The following BPHL variants were observed in gnomAD, a reference collection of about 807,000 sequenced individuals.
BPHL encodes biphenyl hydrolase like, also known as serine hydrolase BPHL.
BPHL carries 27 observed loss-of-function variants against 31.2 expected under a neutral mutation model. That is an observed-to-expected ratio of 0.87 (90% CI 0.64 to 1.19). The LOEUF is 1.19. Among genes scored for constraint, BPHL ranks in the 50% most tolerant of loss-of-function variants. The pLI, the probability that BPHL is intolerant of heterozygous loss-of-function variation, is 0.00. For synonymous variants in BPHL, 150 were observed against 146.8 expected (o/e 1.02, Z -0.16); for missense variants, 356 against 375.7 (o/e 0.95, Z 0.43).
At chr6:3,141,621 C>T (rs1296714453) in intron 6 of BPHL, among the ~76,000 whole-genome samples, 2 of 152,228 alleles carry the variant, frequency 1.3e-5, no homozygotes, top group East Asian at 3.9e-4. Context: ...CTGCCTTGGC[C>T]TCCCAAAGTG....
At chr6:3,121,786 A>G (rs966713040) in intron 1 of BPHL, among the ~76,000 whole-genome samples, 9 of 152,186 alleles carry the variant, frequency 5.9e-5, no homozygotes, top group African/African-American at 2.2e-4. Flanking sequence ...CCTTATTACT[A>G]CCCAATTCTG....
intron 4 of BPHL, among the ~76,000 whole-genome samples, chr6:3,129,753 A>G (rs1367027176): frequency 1.3e-5 from 2 of 150,506 alleles, no homozygotes; most frequent in African/African-American, 4.9e-5. Context: ...GATTAAAAGA[A>G]TTTCTGTGCT....
chr6:3,132,390 T>C (rs755616865), intron 4 of BPHL, among the ~76,000 whole-genome samples: 5 of 152,194 alleles, frequency 3.3e-5, no homozygotes, highest in Non-Finnish European at 7.3e-5. Flanking sequence ...CTCCCCCATG[T>C]GGGCCACAGT....
intron 1 of BPHL, among the ~76,000 whole-genome samples, chr6:3,121,527 TCTCCTGACCTCGTG>T (rs1466886533): frequency 3.9e-5 from 6 of 151,980 alleles, no homozygotes; most frequent in African/African-American, 1.5e-4. Context: ...ATGGTCTTGA[TCTCCTGACCTCGTG>T]ATCCTGACCT....
chr6:3,136,368 C>T (rs1425732195), intron 4 of BPHL, among the ~76,000 whole-genome samples: 1 of 152,206 alleles, frequency 6.6e-6, no homozygotes, highest in Non-Finnish European at 1.5e-5. Flanking sequence ...CAGAGCAGTT[C>T]ATCCTCTTCA....
At chr6:3,144,435 G>A (rs1339697942) in intron 6 of BPHL, among the ~76,000 whole-genome samples, 1 of 146,628 alleles carries the variant, frequency 6.8e-6, no homozygotes, top group Non-Finnish European at 1.5e-5. Flanking sequence ...ATCCAGGCTG[G>A]AGTGCAGTGG....
intron 1 of BPHL, 130 bp downstream of exon 1, chr6:3,118,977 G>C (rs1421665633): frequency 1.3e-6 from 1 of 792,330 alleles, no homozygotes; most frequent in Non-Finnish European, 1.7e-6. Flanking sequence ...TGGCTGCCCT[G>C]TCGCCCTTTG....
At chr6:3,141,149 A>G (rs1430492887) in intron 6 of BPHL, among the ~76,000 whole-genome samples, 3 of 152,368 alleles carry the variant, frequency 2.0e-5, no homozygotes, top group South Asian at 2.1e-4. Context: ...TATAATTACT[A>G]TATCCATAAT....
intron 2 of BPHL, among the ~76,000 whole-genome samples, chr6:3,124,561 T>C (rs1481918375): frequency 6.7e-6 from 1 of 150,112 alleles, no homozygotes; most frequent in East Asian, 1.9e-4. Flanking sequence ...GCTACGCATG[T>C]TCTCCTGTAT....
chr6:3,134,438 CTTTTTTTTTTT>C (rs554446648), intron 4 of BPHL, among the ~76,000 whole-genome samples: 1 of 132,580 alleles, frequency 7.5e-6, no homozygotes, highest in South Asian at 2.3e-4. Context: ...CTTTTCTTTC[CTTTTTTTTTTT>C]TTTTTTTGAG....
rs540756383 is a variant in BPHL at position 3,142,840 on chromosome 6, G to C, written c.788+2331G>C. ...TGTGTTATGTGCCCTTAAAGAGCCA[G>C]GTTCAATTAAAGTCAGTCTACAAGA... is the stretch of plus-strand genomic sequence containing the variant. On this transcript the variant is annotated intron_variant, in intron 6 of 6. Coordinates refer to ENST00000380379, the MANE Select transcript of BPHL (RefSeq NM_004332.4). Among the ~76,000 whole-genome samples the C allele has an allele frequency of 2.0e-5, 3 of 152,270 alleles. No individual in the cohort carries two copies. In the South Asian group the frequency reaches 6.2e-4, roughly 32 times the overall value.
chr6:3,120,490 A>G (rs1761539423), intron 1 of BPHL, among the ~76,000 whole-genome samples: 1 of 152,162 alleles, frequency 6.6e-6, no homozygotes. Context: ...TTGATATGAC[A>G]TATAATCTGG....
chr6:3,152,956 C>A lies in BPHL; in HGVS notation c.*381C>A. 1 of 158,594 alleles carries A rather than the reference C, an allele frequency of 6.3e-6. No homozygotes were observed. The highest frequency in any genetic ancestry group is 1.4e-5 in the Non-Finnish European group (1 of 72,624). The allele number at this position is 158,594 out of a possible 1,614,324, so 9.8% of individuals were successfully genotyped here. A position where few individuals can be genotyped will look rare whatever the true frequency, so the allele number is the denominator to read the frequency against. ...CTGAGGTGGGAGGATCACTTGAGCC[C>A]AATTCAAAGCTGCAGTGAGCTGTAA... On this transcript the variant is annotated 3_prime_UTR_variant, in exon 7 of 7. Transcript: ENST00000380379.
At chr6:3,148,923 A>G (rs1762453539) in intron 6 of BPHL, among the ~76,000 whole-genome samples, 1 of 152,230 alleles carries the variant, frequency 6.6e-6, no homozygotes, top group Admixed American at 6.5e-5. Flanking sequence ...TGAGTCAGTC[A>G]TTGTTTAATA....
chr6:3,149,232 C>T lies in BPHL; in HGVS notation c.789-3256C>T, dbSNP rs1422057058. ...CCCCGTAAAGCCAGTGTTTTCCTCCCACGATGATGCCTCCAGTTTACATCC... is the reference window on the plus strand; with the variant it reads ...CCCCGTAAAGCCAGTGTTTTCCTCCTACGATGATGCCTCCAGTTTACATCC... On this transcript the variant is annotated intron_variant, in intron 6 of 6. Transcript: ENST00000380379. This position sits in a 1 kb window ranked among gnomAD's most constrained non-coding sequence, Gnocchi z 4.6. Among the ~76,000 whole-genome samples, 1 of 152,110 alleles carries T rather than the reference C, an allele frequency of 6.6e-6. No homozygotes were observed. The highest frequency in any genetic ancestry group is 2.4e-5 in the African/African-American group (1 of 41,410).
intron 6 of BPHL, among the ~76,000 whole-genome samples, chr6:3,151,941 T>A (rs536341516): frequency 5.9e-5 from 9 of 152,310 alleles, no homozygotes; most frequent in East Asian, 5.8e-4. Flanking sequence ...CGGCTTGTAT[T>A]CAGATGTATT....
At chr6:3,127,457 C>T in intron 3 of BPHL, 49 bp downstream of exon 3, 1 of 1,410,134 alleles carries the variant, frequency 7.1e-7, no homozygotes, top group Non-Finnish European at 9.5e-7. Context: ...CTGGGCCTGT[C>T]TTCATTTATT....
Position 3,118,818 on chromosome 6 carries a change from C to A in BPHL, c.78C>A (p.Val26=). The A allele has an allele frequency of 8.0e-7, 1 of 1,243,894 alleles. No individual in the cohort carries two copies. 77.1% of individuals were successfully genotyped at this position (1,243,894 alleles called of 1,614,324 possible). Residue 26 remains valine, a synonymous_variant, in exon 1 of 7, where the codon GTC becomes GTA. Transcript: ENST00000380379. Reference sequence around the variant, plus strand: ...CAGCGCTGAAGCCCGGGATCCACGTCCCACGGGCCGGACCCGCGGCCGCGT... The same window carrying A: ...CAGCGCTGAAGCCCGGGATCCACGTACCACGGGCCGGACCCGCGGCCGCGT... ...LLSALKPGIH[V]PRAGPAAAFG... is the part of the protein sequence containing the mutation.
chr6:3,127,215 T>G (rs1158022620), intron 2 of BPHL, 27 bp from the exon 3 acceptor site: 1 of 1,490,642 alleles, frequency 6.7e-7, no homozygotes, highest in Non-Finnish European at 9.1e-7. Flanking sequence ...AGCGATCACC[T>G]GAGGGTAACC....
Sources: gnomAD v4.1 joint callset for allele counts (sites outside exome capture counted in the v4.1 genomes callset) on GRCh38, gnomAD v4.1.1 for gene constraint, Gnocchi (gnomAD v3.1) non-coding constraint, MANE v1.5 for transcripts, NCBI Gene and HGNC (gene_info 2026-07-23, HGNC 2026-07-21) for gene names.